Variants in SPMIP2 observed in about 807,000 individuals in gnomAD.
The protein encoded by SPMIP2 is sperm microtubule inner protein 2, also known as protein SPMIP2.
the SPMIP2 span, among the ~76,000 whole-genome samples, chr4:159,073,723 C>T: frequency 5.9e-5 from 9 of 152,116 alleles, no homozygotes; most frequent in African/African-American, 1.9e-4. Flanking sequence ...GAATTCTGGC[C>T]GGACATGGTG....
the SPMIP2 span, among the ~76,000 whole-genome samples, chr4:159,067,140 G>A: frequency 8.7e-4 from 132 of 152,148 alleles, no homozygotes; most frequent in African/African-American, 3.0e-3. Context: ...ATAACAGAAC[G>A]ACTGGATAGG....
the SPMIP2 span, among the ~76,000 whole-genome samples, chr4:158,900,735 G>A: frequency 2.6e-5 from 4 of 152,054 alleles, no homozygotes; most frequent in Admixed American, 6.5e-5. Context: ...GTGTTTGCAC[G>A]TGAGATGTGT....
At chr4:158,922,584 C>T in the SPMIP2 span, among the ~76,000 whole-genome samples, 5 of 152,266 alleles carry the variant, frequency 3.3e-5, no homozygotes, top group East Asian at 9.6e-4. Flanking sequence ...TTTTAGGTCA[C>T]TTTTAAATTG....
At chr4:158,933,871 C>T in the SPMIP2 span, among the ~76,000 whole-genome samples, 7 of 152,302 alleles carry the variant, frequency 4.6e-5, no homozygotes, top group South Asian at 1.0e-3. Context: ...CCAACATCAA[C>T]ATATTGATGT....
the SPMIP2 span, among the ~76,000 whole-genome samples, chr4:159,077,907 G>C: frequency 1.3e-5 from 2 of 151,988 alleles, no homozygotes; most frequent in African/African-American, 4.8e-5. Flanking sequence ...ATGCTATTAC[G>C]GTAGCAAACA....
the SPMIP2 span, among the ~76,000 whole-genome samples, chr4:159,070,932 G>A: frequency 2.4e-4 from 36 of 152,244 alleles, no homozygotes; most frequent in Admixed American, 5.2e-4. Context: ...GGAACCATTC[G>A]TTCTGGATCT....
At chr4:159,056,507 A>T in the SPMIP2 span, among the ~76,000 whole-genome samples, 17 of 152,314 alleles carry the variant, frequency 1.1e-4, no homozygotes, top group Admixed American at 6.5e-4. Flanking sequence ...ACAGTTGCTT[A>T]TTTTTTGCCA....
At chr4:158,901,715 C>G in the SPMIP2 span, among the ~76,000 whole-genome samples, 1 of 151,872 alleles carries the variant, frequency 6.6e-6, no homozygotes, top group Non-Finnish European at 1.5e-5. Flanking sequence ...ATCTTGTCTT[C>G]ACGCTTTATT....
the SPMIP2 span, among the ~76,000 whole-genome samples, chr4:158,973,540 G>A: frequency 5.3e-5 from 8 of 151,784 alleles, no homozygotes; most frequent in African/African-American, 9.7e-5. Flanking sequence ...CAAATGAGAC[G>A]GGTAGAATTT....
the SPMIP2 span, among the ~76,000 whole-genome samples, chr4:158,914,840 G>A: frequency 6.6e-6 from 1 of 152,170 alleles, no homozygotes. Context: ...GTTTTGAGTG[G>A]AGTTACAGAT....
At chr4:159,012,258 A>T in the SPMIP2 span, among the ~76,000 whole-genome samples, 2 of 152,300 alleles carry the variant, frequency 1.3e-5, no homozygotes, top group East Asian at 3.9e-4. Context: ...AAATTTTAAG[A>T]TATCTTACTT....
At chr4:159,000,523 C>T in the SPMIP2 span, among the ~76,000 whole-genome samples, 1 of 132,236 alleles carries the variant, frequency 7.6e-6, no homozygotes. Context: ...GAGAGGGAGT[C>T]TTGCTCTGTT....
chr4:159,025,254 C>G, the SPMIP2 span, among the ~76,000 whole-genome samples: 2 of 152,116 alleles, frequency 1.3e-5, no homozygotes, highest in Admixed American at 6.5e-5. Context: ...AACCTCTATC[C>G]CCTGGGTTCA....
the SPMIP2 span, among the ~76,000 whole-genome samples, chr4:159,063,893 A>G: frequency 2.2e-4 from 33 of 152,330 alleles, 1 homozygote; most frequent in South Asian, 1.0e-3. Context: ...TTACCAGGGT[A>G]AAAGGATCAT....
chr4:158,988,324 C>T, the SPMIP2 span, among the ~76,000 whole-genome samples: 15 of 152,304 alleles, frequency 9.8e-5, no homozygotes, highest in African/African-American at 3.6e-4. Context: ...CAAAGAGGAG[C>T]TGGTACCATT....
the SPMIP2 span, among the ~76,000 whole-genome samples, chr4:159,022,081 T>C: frequency 2.0e-5 from 3 of 152,222 alleles, no homozygotes; most frequent in Admixed American, 2.0e-4. Flanking sequence ...AGGGTGGTGA[T>C]AGCTACTTAG....
At chr4:159,005,383 G>C in the SPMIP2 span, among the ~76,000 whole-genome samples, 2 of 152,162 alleles carry the variant, frequency 1.3e-5, no homozygotes, top group African/African-American at 4.8e-5. Flanking sequence ...GGCAGAAGTT[G>C]CAGTGAGCCG....
chr4:159,033,953 T>C, the SPMIP2 span, among the ~76,000 whole-genome samples: 1 of 152,112 alleles, frequency 6.6e-6, no homozygotes, highest in East Asian at 1.9e-4. Context: ...TGAAACCCCA[T>C]TTCTACTAAA....
At chr4:158,957,573 C>A in the SPMIP2 span, among the ~76,000 whole-genome samples, 1 of 152,118 alleles carries the variant, frequency 6.6e-6, no homozygotes, top group Non-Finnish European at 1.5e-5. Context: ...ATTACAGGCA[C>A]CCACTACTAC....
Sources: allele counts gnomAD v4.1 joint callset (sites outside exome capture counted in the v4.1 genomes callset), GRCh38; gene constraint gnomAD v4.1.1; transcripts MANE v1.5; gene names NCBI Gene and HGNC (gene_info 2026-07-23, HGNC 2026-07-21).